The following STAU1 variants were observed in gnomAD, a reference collection of about 807,000 sequenced individuals.
The protein encoded by STAU1 is double-stranded RNA-binding protein Staufen homolog 1.
Under a neutral mutation model 62.9 loss-of-function variants are expected in STAU1, and 13 were observed. The ratio of observed to expected loss-of-function variants is 0.21; its 90% CI spans 0.13 to 0.33. STAU1 has a LOEUF of 0.33. Ranked by LOEUF, STAU1 falls within the 10% of genes least tolerant of loss-of-function variation. The pLI is 1.00. For synonymous variants in STAU1, 269 were observed against 265.1 expected (o/e 1.01, Z -0.14); for missense variants, 571 against 712.1 (o/e 0.80, Z 2.25).
intron 12 of STAU1, 104 bp from the exon 13 acceptor site, chr20:49,115,971 G>C: frequency 1.2e-6 from 1 of 851,032 alleles, no homozygotes; most frequent in East Asian, 2.6e-5. Flanking sequence ...CAGCAAACAG[G>C]TGGCAACTTC....
At chr20:49,195,898 C>CAAAAAAAAAAAAAA in the STAU1 span, among the ~76,000 whole-genome samples, 3 of 33,872 alleles carry the variant, frequency 8.9e-5, no homozygotes, top group Non-Finnish European at 1.0e-4. Context: ...AACTTCCTCT[C>CAAAAAAAAAAAAAA]AAAAAAAAAA....
intron 1 of STAU1, among the ~76,000 whole-genome samples, chr20:49,177,142 C>A (rs1044343111): frequency 6.6e-6 from 1 of 151,840 alleles, no homozygotes; most frequent in Non-Finnish European, 1.5e-5. Context: ...GATCTCCTGA[C>A]CTCGTGATCC....
intron 5 of STAU1, among the ~76,000 whole-genome samples, chr20:49,139,744 C>G (rs2092966527): frequency 6.6e-6 from 1 of 151,214 alleles, no homozygotes; most frequent in Non-Finnish European, 1.5e-5. Flanking sequence ...AAAAAATCCA[C>G]AGTAAGATAC....
chr20:49,152,865 A>C (rs1199649534), intron 4 of STAU1, among the ~76,000 whole-genome samples: 1 of 152,212 alleles, frequency 6.6e-6, no homozygotes, highest in East Asian at 1.9e-4. Flanking sequence ...CAAAGCAGTT[A>C]CAAGGGTTAT....
intron 3 of STAU1, among the ~76,000 whole-genome samples, chr20:49,164,506 G>C (rs1168456119): frequency 6.6e-6 from 1 of 151,496 alleles, no homozygotes; most frequent in Non-Finnish European, 1.5e-5. Context: ...GCCCAGGCTG[G>C]TCTCCAACTC....
chr20:49,142,504 T>C (rs1315455256), intron 5 of STAU1, among the ~76,000 whole-genome samples: 1 of 152,040 alleles, frequency 6.6e-6, no homozygotes, highest in Admixed American at 6.6e-5. Flanking sequence ...TACTGCTCCG[T>C]TCTACACCCT....
chr20:49,212,823 C>G, the STAU1 span, among the ~76,000 whole-genome samples: 1 of 151,610 alleles, frequency 6.6e-6, no homozygotes, highest in African/African-American at 2.4e-5. Context: ...GTCTCGAACT[C>G]CTGACCTCAG....
chr20:49,168,212 C>G (rs2093552184), intron 2 of STAU1, among the ~76,000 whole-genome samples: 2 of 151,874 alleles, frequency 1.3e-5, no homozygotes, highest in South Asian at 4.2e-4. Flanking sequence ...TCCCAAGTAG[C>G]TAGGATTACA....
the STAU1 span, among the ~76,000 whole-genome samples, chr20:49,216,033 A>AAAAAAAAAAAAAAAG: frequency 1.9e-5 from 2 of 104,526 alleles, no homozygotes; most frequent in Non-Finnish European, 3.6e-5. Flanking sequence ...AAAAAAAAAA[A>AAAAAAAAAAAAAAAG]AAGAAGAAGA....
intron 3 of STAU1, among the ~76,000 whole-genome samples, chr20:49,160,692 G>C (rs1420128344): frequency 6.6e-6 from 1 of 152,074 alleles, no homozygotes; most frequent in South Asian, 2.1e-4. Flanking sequence ...CTAAGATAAG[G>C]GGAATGACAA....
At chr20:49,120,152 G>C in intron 8 of STAU1, 24 bp from the exon 9 acceptor site, 1 of 1,603,898 alleles carries the variant, frequency 6.2e-7, no homozygotes, top group South Asian at 1.1e-5. Flanking sequence ...TCAAAACACA[G>C]ACCAGTGCTT....
rs1006898931 is a variant in STAU1 at position 49,114,528 on chromosome 20, T to C, written c.*350A>G. 1 of 277,262 alleles carries C rather than the reference T, an allele frequency of 3.6e-6. No homozygotes were observed. The highest frequency in any genetic ancestry group is 6.9e-6 in the Non-Finnish European group (1 of 145,954). 17.2% of individuals were successfully genotyped at this position (277,262 alleles called of 1,614,324 possible). A position where few individuals can be genotyped will look rare whatever the true frequency, so the allele number is the denominator to read the frequency against. ...CTTGAGAAGGGGTCGTGCCGTTTCT[T>C]CTTTCACACAGGGGAAAAAAAAGAC... On this transcript the variant is annotated 3_prime_UTR_variant, in exon 14 of 14. Transcript: ENST00000371856.
chr20:49,191,616 G>A (rs2093831398), upstream of STAU1, among the ~76,000 whole-genome samples: 1 of 152,090 alleles, frequency 6.6e-6, no homozygotes, highest in African/African-American at 2.4e-5. Context: ...TGTATGTCAG[G>A]GTCACCTGTG....
intron 8 of STAU1, among the ~76,000 whole-genome samples, 162 bp downstream of exon 8, chr20:49,122,918 AAAATAAATAAAT>A (rs3091755): frequency 0.015 from 2,226 of 148,482 alleles, 44 homozygotes; most frequent in African/African-American, 0.041. Context: ...CTCCATCTCA[AAAATAAATAAAT>A]AAATAAATAA....
chr20:49,134,448 A>AAAAAAAAAAAAAAAAAAAAAAAAAC, intron 6 of STAU1: 3 of 625,404 alleles, frequency 4.8e-6, no homozygotes, highest in African/African-American at 3.8e-5. Context: ...AAAAAAAAAA[A>AAAAAAAAAAAAAAAAAAAAAAAAAC]AGCTCTGGGT....
At chr20:49,128,773 C>CG (rs1568839998) in intron 6 of STAU1, among the ~76,000 whole-genome samples, 6 of 102,678 alleles carry the variant, frequency 5.8e-5, no homozygotes, top group Non-Finnish European at 1.2e-4. Flanking sequence ...CATCCAAATC[C>CG]AAAAAAAAAA....
chr20:49,131,323 CATT>C (rs781665586), intron 6 of STAU1, among the ~76,000 whole-genome samples: 14 of 152,170 alleles, frequency 9.2e-5, no homozygotes, highest in Non-Finnish European at 1.9e-4. Flanking sequence ...TAAAGGACAT[CATT>C]GAGACAACTG....
At chr20:49,158,425 G>A in intron 3 of STAU1, 10 of 1,304,408 alleles carry the variant, frequency 7.7e-6, no homozygotes, top group Non-Finnish European at 1.0e-5. Flanking sequence ...CTTAAGGGGT[G>A]AGGCAACTTG....
At chr20:49,209,300 T>C in the STAU1 span, among the ~76,000 whole-genome samples, 4 of 149,444 alleles carry the variant, frequency 2.7e-5, no homozygotes, top group Non-Finnish European at 5.9e-5. Flanking sequence ...TCATTCAAGG[T>C]ATGGGGAAGA....
Sources: allele counts gnomAD v4.1 joint callset (sites outside exome capture counted in the v4.1 genomes callset), GRCh38; gene constraint gnomAD v4.1.1; transcripts MANE v1.5; gene names NCBI Gene and HGNC (gene_info 2026-07-23, HGNC 2026-07-21).